The following MYO7B variants were observed in gnomAD, a reference collection of about 807,000 sequenced individuals.
The protein encoded by MYO7B is unconventional myosin-VIIb.
MYO7B carries 212 observed loss-of-function variants against 259.7 expected under a neutral mutation model. The observed-to-expected ratio is 0.82, with a 90% CI of 0.73 to 0.91. MYO7B has a LOEUF of 0.91. Among genes scored for constraint, MYO7B ranks in the 40% least tolerant of loss-of-function variants. The probability of loss-of-function intolerance (pLI) is 0.00; values close to 1 mark genes in which losing one functional copy is unlikely to be tolerated. For missense variants in MYO7B, 2,732 were observed against 2,813.5 expected, an observed-to-expected ratio of 0.97 and a Z score of 0.66; for synonymous variants, 1,197 against 1,166.4, an observed-to-expected ratio of 1.03 and a Z score of -0.54.
At chr2:127,617,453 A>C (rs1680611287) in intron 26 of MYO7B, among the ~76,000 whole-genome samples, 6 of 144,592 alleles carry the variant, frequency 4.1e-5, no homozygotes, top group Admixed American at 4.1e-4. Flanking sequence ...TTTTTAAAGC[A>C]CTGACCTTAT....
chr2:127,558,960 G>A (rs554458922), intron 1 of MYO7B, among the ~76,000 whole-genome samples: 10 of 152,280 alleles, frequency 6.6e-5, no homozygotes, highest in Admixed American at 2.0e-4. Flanking sequence ...CTGGTGATGC[G>A]TGCACCAAAA....
rs548808988 is a variant in MYO7B at position 127,625,291 on chromosome 2, C to T, written c.4048-77C>T. On this transcript the variant is annotated intron_variant, in intron 30 of 47. Transcript: ENST00000409816. ...CTGTGATGGGGCAAGAGCCCGGCCA[C>T]GGGACAGGGGCATCCTGGGGAAGGG... 105 of 1,407,848 alleles carry T rather than the reference C, an allele frequency of 7.5e-5. No individual in the cohort carries two copies. In the East Asian group the frequency reaches 1.1e-3, roughly 15 times the overall value. The allele number at this position is 1,407,848 out of a possible 1,614,324, so 87.2% of individuals were successfully genotyped here.
rs116794201 is a variant in MYO7B at position 127,543,997 on chromosome 2, T to C, written c.-24+8166T>C. ...CCTGACCTCGTGATCTGCCTGCCTC[T>C]CCTGACCTCGTGATCTGCCTGCCTC... On this transcript the variant is annotated intron_variant, in intron 1 of 47. Coordinates refer to ENST00000409816, the MANE Select transcript of MYO7B (RefSeq NM_001393586.1). 9.2e-3 allele frequency among the ~76,000 whole-genome samples: 1,403 copies of C among 152,152 alleles called. 18 individuals are homozygous for C. The highest frequency in any genetic ancestry group is 0.033 in the African/African-American group (1,357 of 41,504).
rs1692903524 is a variant in MYO7B, at chr2:127,539,039, C to T, written c.-24+3208C>T. ...ACTTTCAGCACAGTGTCTGTCTGAG[C>T]TCCTACTCTGTTCTGGGGGCTGGGG... On this transcript the variant is annotated intron_variant, in intron 1 of 47. Coordinates refer to ENST00000409816, the MANE Select transcript of MYO7B (RefSeq NM_001393586.1). The surrounding 1 kb of genome is among the most constrained non-coding windows in gnomAD (Gnocchi z 4.0). 6.6e-6 allele frequency among the ~76,000 whole-genome samples: 1 copy of T among 152,150 alleles called. No homozygotes were observed. The highest frequency in any genetic ancestry group is 6.5e-5 in the Admixed American group (1 of 15,280).
chr2:127,630,878 C>G lies in MYO7B; in HGVS notation c.4907C>G (p.Thr1636Ser), dbSNP rs1008418056. 1.9e-6 allele frequency: 3 copies of G among 1,602,606 alleles called. No homozygotes were observed. Among genetic ancestry groups the G allele is most frequent in the Non-Finnish European group, 2.6e-6 (3 of 1,174,646 alleles). The change falls in exon 36 of 48, where the codon ACC (threonine) becomes AGC (serine). Residue 1636 changes from threonine to serine, a missense_variant. Transcript: ENST00000409816. ...GAGCCACCCAAGGAAAAGCTGCACA[C>G]CCTGGAGGAGTTCTCCTATGAGTTC... ...PEEPPKEKLHTLEEFSYEFFR... is the reference protein window; with the variant it reads ...PEEPPKEKLHSLEEFSYEFFR...
intron 19 of MYO7B, among the ~76,000 whole-genome samples, chr2:127,598,068 T>C (rs1222170190): frequency 1.3e-5 from 2 of 152,264 alleles, no homozygotes; most frequent in South Asian, 2.1e-4. Context: ...AAAGCTGTTA[T>C]GAACATTTAT....
chr2:127,636,197 C>CT lies in MYO7B; in HGVS notation c.6007-10dup. The CT allele has an allele frequency of 6.2e-7, 1 of 1,605,608 alleles. No homozygotes were observed. Among genetic ancestry groups the CT allele is most frequent in the African/African-American group, 1.3e-5 (1 of 74,910 alleles). On this transcript the variant is annotated splice_polypyrimidine_tract_variant and intron_variant, in intron 44 of 47. Transcript: ENST00000409816. This position sits in a 1 kb window ranked among gnomAD's most constrained non-coding sequence, Gnocchi z 4.5. ...GGCACCCAAGTCCTTACTGGCCCTC[C>CT]TGTCCCCCAGAGCATCCTTCTAGCC...
chr2:127,629,583 A>C, intron 34 of MYO7B, 62 bp from the exon 35 acceptor site: 3 of 1,511,210 alleles, frequency 2.0e-6, no homozygotes, highest in Non-Finnish European at 2.7e-6. Flanking sequence ...TGACCCACAA[A>C]ATTCCAGCAC....
At chr2:127,592,561 T>C (rs1373760405) in intron 16 of MYO7B, among the ~76,000 whole-genome samples, 1 of 151,564 alleles carries the variant, frequency 6.6e-6, no homozygotes, top group Non-Finnish European at 1.5e-5. Flanking sequence ...TTTATCTCCT[T>C]GACAACATTA....
chr2:127,588,303 C>T (rs1558818848), intron 14 of MYO7B, 89 bp from the exon 15 acceptor site: 1 of 1,464,936 alleles, frequency 6.8e-7, no homozygotes, highest in East Asian at 2.4e-5. Context: ...CTCCACGCAT[C>T]CTGTATTCCC....
At chr2:127,549,828 G>A (rs1170766857) in intron 1 of MYO7B, among the ~76,000 whole-genome samples, 1 of 152,162 alleles carries the variant, frequency 6.6e-6, no homozygotes, top group Non-Finnish European at 1.5e-5. Flanking sequence ...GGAGTGTGCA[G>A]GCTGAAAGAG....
At chr2:127,595,820 T>C (rs2104987787) in intron 18 of MYO7B, among the ~76,000 whole-genome samples, 1 of 152,362 alleles carries the variant, frequency 6.6e-6, no homozygotes. Flanking sequence ...TTGATTGCAC[T>C]GTAGTCTGAG....
intron 21 of MYO7B, 115 bp from the exon 22 acceptor site, chr2:127,608,593 T>C (rs918189246): frequency 8.8e-7 from 1 of 1,131,008 alleles, no homozygotes; most frequent in Non-Finnish European, 1.2e-6. Context: ...GGACAAATGA[T>C]GGCAGGATGA....
chr2:127,626,838 C>G (rs1375139844), intron 31 of MYO7B, 137 bp from the exon 32 acceptor site: 5 of 794,396 alleles, frequency 6.3e-6, no homozygotes, highest in Non-Finnish European at 1.0e-5. Flanking sequence ...AGGTGCCTCC[C>G]TACAGGATCC....
In MYO7B at chr2:127,565,466, CA is replaced by C. The variant is rs755253132; in HGVS notation, c.285+82del. On this transcript the variant is annotated intron_variant, in intron 4 of 47. Coordinates refer to ENST00000409816, the MANE Select transcript of MYO7B (RefSeq NM_001393586.1). ...TGGACAGGGAGAAGAAAATGATGCA[CA>C]GGGGGCACTGCCCCCCATGCCCTCA... 185 of 1,551,198 alleles carry C rather than the reference CA, an allele frequency of 1.2e-4. 1 individual carries two copies. The Middle Eastern group carries it at 1.4e-3, about 11-fold the overall frequency.
chr2:127,610,791 G>A (rs1186294160), intron 24 of MYO7B, among the ~76,000 whole-genome samples: 2 of 152,192 alleles, frequency 1.3e-5, no homozygotes, highest in East Asian at 3.9e-4. Context: ...GAATCTAAAG[G>A]AGCCTGCAGC....
In MYO7B at chr2:127,627,010, C is replaced by T. The variant is rs201294018; in HGVS notation, c.4251C>T (p.Ala1417=). ...CTCAGAAGCAAGTCACACCACTGGC[C>T]GTGCGAGAGCAGGTGGTGGACGCCG... The part of the protein sequence containing the change: ...PYTQKQVTPL[A]VREQVVDAAR... The change falls in exon 32 of 48, where the codon GCC becomes GCT. Residue 1417 remains alanine (A), a synonymous_variant. Coordinates refer to ENST00000409816, the MANE Select transcript of MYO7B (RefSeq NM_001393586.1). This position sits in a 1 kb window ranked among gnomAD's most constrained non-coding sequence, Gnocchi z 5.6. The T allele has an allele frequency of 5.9e-5, 95 of 1,611,458 alleles. 1 individual carries two copies. The highest frequency in any genetic ancestry group is 2.3e-4 in the African/African-American group (17 of 75,034).
chr2:127,619,622 A>C (rs1213681989), intron 26 of MYO7B, among the ~76,000 whole-genome samples: 1 of 152,102 alleles, frequency 6.6e-6, no homozygotes, highest in Non-Finnish European at 1.5e-5. Flanking sequence ...GGGAACATGT[A>C]CACCACAGAA....
At chr2:127,543,838 G>A (rs1182266874) in intron 1 of MYO7B, among the ~76,000 whole-genome samples, 3 of 151,484 alleles carry the variant, frequency 2.0e-5, no homozygotes, top group East Asian at 1.9e-4. Flanking sequence ...TCCCCCTGCC[G>A]GGTTCACGCC....
Sources: gnomAD v4.1 joint callset for allele counts (sites outside exome capture counted in the v4.1 genomes callset) on GRCh38, gnomAD v4.1.1 for gene constraint, Gnocchi (gnomAD v3.1) non-coding constraint, MANE v1.5 for transcripts, NCBI Gene and HGNC (gene_info 2026-07-23, HGNC 2026-07-21) for gene names.